Variants in RGS22 observed in about 807,000 individuals in gnomAD.
RGS22 encodes the protein regulator of G-protein signaling 22.
In RGS22, 148 loss-of-function variants were observed where a neutral mutation model predicts 172.9. The observed-to-expected ratio is 0.86, with a 90% CI of 0.75 to 0.98. The LOEUF (loss-of-function observed/expected upper bound fraction) is 0.98, where lower values mean the gene tolerates loss of function less well. Among genes scored for constraint, RGS22 ranks in the 50% least tolerant of loss-of-function variants. The pLI is 0.00. For synonymous variants in RGS22, 458 were observed against 480.2 expected, an observed-to-expected ratio of 0.95 and a Z score of 0.60; for missense variants, 1,347 against 1,440.8, an observed-to-expected ratio of 0.93 and a Z score of 1.05.
At chr8:100,050,660 G>A (rs7818948) in intron 10 of RGS22, among the ~76,000 whole-genome samples, 29,153 of 152,028 alleles carry the variant, frequency 0.19, 3,008 homozygotes, top group African/African-American at 0.26. Context: ...AACACAGGTC[G>A]TATCTACAGT....
At chr8:99,991,427 C>G (rs1813705132) in intron 20 of RGS22, among the ~76,000 whole-genome samples, 2 of 152,144 alleles carry the variant, frequency 1.3e-5, no homozygotes, top group Admixed American at 6.5e-5. Flanking sequence ...CTTAAATGAC[C>G]TGATGGAGCT....
intron 21 of RGS22, among the ~76,000 whole-genome samples, chr8:99,986,772 T>C (rs1813141560): frequency 1.3e-5 from 2 of 152,214 alleles, no homozygotes; most frequent in Non-Finnish European, 1.5e-5. Flanking sequence ...TGTTGGTTTA[T>C]TTATCCATAA....
chr8:99,989,784 GCAGT>G (rs1369635570), intron 20 of RGS22, among the ~76,000 whole-genome samples: 1 of 152,144 alleles, frequency 6.6e-6, no homozygotes, highest in Non-Finnish European at 1.5e-5. Flanking sequence ...GGCAGAGGTT[GCAGT>G]GAGTTGAGAT....
At chr8:100,098,865 TA>T (rs1322593379) in intron 2 of RGS22, among the ~76,000 whole-genome samples, 1 of 5,846 alleles carries the variant, frequency 1.7e-4, no homozygotes, top group African/African-American at 6.4e-4. Flanking sequence ...TTATTTTATT[TA>T]TTTTATTTTA....
At chr8:100,057,968 T>C (rs1242864369) in intron 9 of RGS22, among the ~76,000 whole-genome samples, 2 of 152,004 alleles carry the variant, frequency 1.3e-5, no homozygotes, top group African/African-American at 4.8e-5. Context: ...AAATTCAAGA[T>C]AACACAGAGA....
At chr8:100,056,480 C>T (rs1822265009) in intron 9 of RGS22, among the ~76,000 whole-genome samples, 1 of 152,158 alleles carries the variant, frequency 6.6e-6, no homozygotes, top group East Asian at 1.9e-4. Context: ...CCATCATAGG[C>T]CTGGAGGCCT....
rs778000628 is a variant in RGS22 at position 100,063,941 on chromosome 8, TCTTCTTCTC to T, written c.818_826del (p.Gly273_Glu275del). On this transcript the variant is annotated inframe_deletion, in exon 8 of 28. Transcript: ENST00000360863. Reference sequence around the variant, plus strand: ...GTCTTGTAGAGATACAGACACCTCTTCTTCTTCTCCTTCTTCTTCTTCAAATTCAGAAAT... The same window carrying T: ...GTCTTGTAGAGATACAGACACCTCTTCTTCTTCTTCTTCAAATTCAGAAAT... 3 of 1,584,528 alleles carry T rather than the reference TCTTCTTCTC, an allele frequency of 1.9e-6. No individual in the cohort carries two copies. The African/African-American group carries it at 4.1e-5, about 22-fold the overall frequency.
rs941613241 is a variant in RGS22, at chr8:100,101,281, C to G, written c.54+4093G>C. ...CTGTAAGTTTAAAGTGACAGTGACT[C>G]CTAAATTTCTTTTTTTTTTTTTTGA... is the stretch of plus-strand genomic sequence containing the variant. On this transcript the variant is annotated intron_variant, in intron 2 of 27. Transcript: ENST00000360863. Among the ~76,000 whole-genome samples, 5 of 151,134 alleles carry G rather than the reference C, an allele frequency of 3.3e-5. No homozygotes were observed. In the East Asian group the frequency reaches 9.7e-4, roughly 29 times the overall value.
chr8:99,995,270 T>C (rs1159717024), intron 20 of RGS22, among the ~76,000 whole-genome samples: 3 of 151,894 alleles, frequency 2.0e-5, no homozygotes, highest in African/African-American at 7.3e-5. Context: ...ACAAACGGGA[T>C]CTAATTAAAC....
intron 18 of RGS22, among the ~76,000 whole-genome samples, chr8:100,000,188 T>C (rs2131319794): frequency 6.6e-6 from 1 of 152,304 alleles, no homozygotes; most frequent in Non-Finnish European, 1.5e-5. Context: ...TCTGTGTACA[T>C]ACCACTCAAA....
intron 22 of RGS22, among the ~76,000 whole-genome samples, chr8:99,978,839 C>G (rs1812247515): frequency 6.6e-6 from 1 of 152,110 alleles, no homozygotes; most frequent in Non-Finnish European, 1.5e-5. Context: ...TGGCCTTTAC[C>G]TAATACCCTG....
At chr8:100,060,421 T>TATATATATATATATACACAC (rs1245783464) in intron 9 of RGS22, among the ~76,000 whole-genome samples, 33 of 119,470 alleles carry the variant, frequency 2.8e-4, no homozygotes, top group African/African-American at 9.6e-4. Context: ...TATATATATA[T>TATATATATATATATACACAC]ACACACACAC....
chr8:99,979,168 A>G (rs939362638), intron 22 of RGS22, among the ~76,000 whole-genome samples: 13 of 152,098 alleles, frequency 8.5e-5, no homozygotes, highest in Admixed American at 4.6e-4. Context: ...CCCTGTTCCA[A>G]TGTTAAGGGA....
intron 23 of RGS22, among the ~76,000 whole-genome samples, chr8:99,966,983 A>C (rs1810805117): frequency 6.6e-6 from 1 of 152,206 alleles, no homozygotes; most frequent in East Asian, 1.9e-4. Flanking sequence ...AGCAAGACCA[A>C]CACAGAAGGA....
chr8:100,002,005 T>C (rs1212958728), intron 18 of RGS22, among the ~76,000 whole-genome samples, 197 bp downstream of exon 18: 1 of 152,220 alleles, frequency 6.6e-6, no homozygotes, highest in African/African-American at 2.4e-5. Flanking sequence ...CACATTTTTA[T>C]ACTATATAAT....
intron 3 of RGS22, among the ~76,000 whole-genome samples, chr8:100,081,935 A>T (rs1811794521): frequency 7.3e-6 from 1 of 137,864 alleles, no homozygotes. Flanking sequence ...TTTGCCTCCT[A>T]CCCTCTGACC....
intron 21 of RGS22, among the ~76,000 whole-genome samples, chr8:99,986,547 G>A (rs762964165): frequency 3.3e-5 from 5 of 152,116 alleles, no homozygotes; most frequent in South Asian, 4.1e-4. Context: ...ATACCTTTCA[G>A]TATTTCTATA....
At chr8:100,101,923 A>G (rs1270830804) in intron 2 of RGS22, among the ~76,000 whole-genome samples, 1 of 152,102 alleles carries the variant, frequency 6.6e-6, no homozygotes, top group Non-Finnish European at 1.5e-5. Context: ...TCATGTAATC[A>G]AAAGCAGTTG....
chr8:100,026,117 A>C (rs1324177711), intron 14 of RGS22, among the ~76,000 whole-genome samples: 2 of 152,212 alleles, frequency 1.3e-5, no homozygotes, highest in Non-Finnish European at 2.9e-5. Context: ...ACTGCTATTC[A>C]GTTTATATTG....
Sources: allele counts gnomAD v4.1 joint callset (sites outside exome capture counted in the v4.1 genomes callset), GRCh38; gene constraint gnomAD v4.1.1; transcripts MANE v1.5; gene names NCBI Gene and HGNC (gene_info 2026-07-23, HGNC 2026-07-21).